The following COX10 variants were observed in gnomAD, a reference collection of about 807,000 sequenced individuals.
The protein encoded by COX10 is protoheme IX farnesyltransferase, mitochondrial.
COX10 carries 27 observed loss-of-function variants against 37.3 expected under a neutral mutation model. The observed-to-expected ratio is 0.72, with a 90% CI of 0.53 to 1.00. COX10 has a LOEUF of 1.00. Ranked by LOEUF, COX10 falls within the 50% of genes least tolerant of loss-of-function variation. COX10 has a pLI of 0.00. For synonymous variants in COX10, 222 were observed against 229.1 expected, an observed-to-expected ratio of 0.97 and a Z score of 0.28; for missense variants, 475 against 563.2, an observed-to-expected ratio of 0.84 and a Z score of 1.59.
At chr17:14,186,072 G>A (rs893732027) in intron 5 of COX10, among the ~76,000 whole-genome samples, 2 of 152,202 alleles carry the variant, frequency 1.3e-5, no homozygotes, top group Admixed American at 6.5e-5. Flanking sequence ...TTATGTGGTG[G>A]TGTGCCCACG....
chr17:14,158,013 C>A (rs2142238263), intron 4 of COX10, among the ~76,000 whole-genome samples: 1 of 152,084 alleles, frequency 6.6e-6, no homozygotes, highest in East Asian at 1.9e-4. Flanking sequence ...ATCACAGGTA[C>A]CTGACCATTG....
intron 5 of COX10, among the ~76,000 whole-genome samples, chr17:14,165,797 G>T (rs1905268077): frequency 6.6e-6 from 1 of 152,236 alleles, no homozygotes; most frequent in Non-Finnish European, 1.5e-5. Flanking sequence ...GAGATTAAAA[G>T]TGCTACTTCA....
In COX10 at chr17:14,090,185, A is replaced by G. The variant is rs1370891563; in HGVS notation, c.500-11933A>G. Reference sequence around the variant, plus strand: ...CTGAATCACTCGAGGGAAGCAAATGATTGCCTCTCAACCTGCAGGTCAGAC... The same window carrying G: ...CTGAATCACTCGAGGGAAGCAAATGGTTGCCTCTCAACCTGCAGGTCAGAC... On this transcript the variant is annotated intron_variant, in intron 3 of 6. Transcript: ENST00000261643. Among the ~76,000 whole-genome samples, 5 of 152,120 alleles carry G rather than the reference A, an allele frequency of 3.3e-5. No individual in the cohort carries two copies. In the East Asian group the frequency reaches 9.7e-4, roughly 30 times the overall value.
intron 4 of COX10, among the ~76,000 whole-genome samples, chr17:14,111,053 C>G (rs903372120): frequency 2.0e-5 from 3 of 152,062 alleles, no homozygotes; most frequent in Non-Finnish European, 4.4e-5. Flanking sequence ...GCTTCTTTAA[C>G]CCAGACTACC....
intron 1 of COX10, among the ~76,000 whole-genome samples, chr17:14,073,640 T>A (rs1915079719): frequency 6.6e-6 from 1 of 152,204 alleles, no homozygotes; most frequent in African/African-American, 2.4e-5. Context: ...AGACACCATC[T>A]GCAACTGAGA....
At chr17:14,122,413 C>A (rs932660315) in intron 4 of COX10, among the ~76,000 whole-genome samples, 1 of 152,158 alleles carries the variant, frequency 6.6e-6, no homozygotes, top group South Asian at 2.1e-4. Context: ...TGTAATCTTA[C>A]CAGATCCTTG....
chr17:14,164,620 G>A (rs941323684), intron 5 of COX10, among the ~76,000 whole-genome samples: 6 of 152,096 alleles, frequency 3.9e-5, no homozygotes, highest in African/African-American at 9.7e-5. Flanking sequence ...GGATTATGGC[G>A]TTCTGTTGAG....
intron 4 of COX10, among the ~76,000 whole-genome samples, chr17:14,109,807 T>C (rs1416563666): frequency 6.6e-6 from 1 of 152,138 alleles, no homozygotes. Flanking sequence ...TGGTGATGTA[T>C]CTACCTCTAA....
chr17:14,194,718 C>T (rs879418573), intron 6 of COX10, among the ~76,000 whole-genome samples: 1 of 152,162 alleles, frequency 6.6e-6, no homozygotes, highest in African/African-American at 2.4e-5. Flanking sequence ...AGCCACCGCG[C>T]CTGGCCTAAA....
At chr17:14,157,198 C>G (rs1340314705) in intron 4 of COX10, among the ~76,000 whole-genome samples, 1 of 152,104 alleles carries the variant, frequency 6.6e-6, no homozygotes, top group African/African-American at 2.4e-5. Context: ...TGGATTTGGC[C>G]CATGAGCTAC....
rs371712806 is a variant in COX10, at chr17:14,102,179, C to G, written c.561C>G (p.Pro187=). Residue 187 remains proline, a synonymous_variant, in exon 4 of 7, where the codon CCC becomes CCG. Transcript: ENST00000261643. ...FALAPGPFDW[P]CFLLTSVGTG... is the part of the protein sequence containing the mutation. ...TGGCTCCGGGCCCTTTTGACTGGCC[C>G]TGTTTCCTGCTTACTTCTGTTGGGA... 6.2e-7 allele frequency: 1 copy of G among 1,613,780 alleles called. No homozygotes were observed. The highest frequency in any genetic ancestry group is 8.5e-7 in the Non-Finnish European group (1 of 1,179,764).
At chr17:14,159,341 A>G (rs1341457821) in intron 4 of COX10, among the ~76,000 whole-genome samples, 3 of 152,190 alleles carry the variant, frequency 2.0e-5, no homozygotes, top group Non-Finnish European at 4.4e-5. Context: ...TGTGTGAAAG[A>G]TTCTGAAATT....
chr17:14,070,512 T>C (rs1210078042), intron 1 of COX10, among the ~76,000 whole-genome samples: 1 of 152,202 alleles, frequency 6.6e-6, no homozygotes, highest in Non-Finnish European at 1.5e-5. Context: ...CCAATAGTTA[T>C]TTGTGGATGG....
At chr17:14,117,070 T>A (rs1368318160) in intron 4 of COX10, among the ~76,000 whole-genome samples, 1 of 152,212 alleles carries the variant, frequency 6.6e-6, no homozygotes, top group Non-Finnish European at 1.5e-5. Context: ...TTATTCATTA[T>A]TTGTATTTCC....
chr17:14,199,897 A>G (rs1400283178), intron 6 of COX10, among the ~76,000 whole-genome samples: 1 of 152,170 alleles, frequency 6.6e-6, no homozygotes, highest in Non-Finnish European at 1.5e-5. Context: ...GCTAGCCCCC[A>G]GTCTACATAA....
At chr17:14,110,644 T>C (rs1400766051) in intron 4 of COX10, among the ~76,000 whole-genome samples, 1 of 152,054 alleles carries the variant, frequency 6.6e-6, no homozygotes, top group African/African-American at 2.4e-5. Context: ...TCTTCAGTTA[T>C]ATTTTGCCAT....
chr17:14,120,142 A>G (rs772849288), intron 4 of COX10, among the ~76,000 whole-genome samples: 13 of 152,224 alleles, frequency 8.5e-5, no homozygotes, highest in Non-Finnish European at 1.6e-4. Context: ...TAGTGATATC[A>G]CTGACTACCC....
chr17:14,075,444 G>A (rs75116322), intron 2 of COX10, among the ~76,000 whole-genome samples: 3,819 of 152,170 alleles, frequency 0.025, 96 homozygotes, highest in African/African-American at 0.07. Context: ...CCTATAGCTG[G>A]TTGTTGGCTG....
intron 4 of COX10, among the ~76,000 whole-genome samples, chr17:14,113,479 G>A (rs889444666): frequency 2.6e-5 from 4 of 152,000 alleles, no homozygotes; most frequent in African/African-American, 9.7e-5. Context: ...TTCTGAAAAC[G>A]GAATTCTTCT....
Sources: gnomAD v4.1 joint callset for allele counts (sites outside exome capture counted in the v4.1 genomes callset) on GRCh38, gnomAD v4.1.1 for gene constraint, MANE v1.5 for transcripts, NCBI Gene and HGNC (gene_info 2026-07-23, HGNC 2026-07-21) for gene names.